CAMK1D: variants seen among roughly 807,000 people sequenced by gnomAD.
The protein encoded by CAMK1D is calcium/calmodulin-dependent protein kinase type 1D.
CAMK1D carries 9 observed loss-of-function variants against 47.7 expected under a neutral mutation model. That is an observed-to-expected ratio of 0.19 (90% CI 0.11 to 0.33). CAMK1D has a LOEUF of 0.33. CAMK1D is among the 10% of genes least tolerant of loss of function. The probability of loss-of-function intolerance (pLI) is 1.00; values close to 1 mark genes in which losing one functional copy is unlikely to be tolerated. For missense variants in CAMK1D, 291 were observed against 488.7 expected (o/e 0.60, Z 3.81); for synonymous variants, 184 against 184.9 (o/e 0.99, Z 0.04).
chr10:12,675,089 T>C (rs1840763693), intron 3 of CAMK1D, among the ~76,000 whole-genome samples: 1 of 150,142 alleles, frequency 6.7e-6, no homozygotes, highest in African/African-American at 2.5e-5. Context: ...GAAAGGACAC[T>C]GCCTCAACTC....
intron 2 of CAMK1D, among the ~76,000 whole-genome samples, chr10:12,639,457 C>T: frequency 6.6e-6 from 1 of 152,104 alleles, no homozygotes; most frequent in Non-Finnish European, 1.5e-5. Flanking sequence ...CGCACTCCAG[C>T]TTGGGCGACA....
At chr10:12,678,310 A>G (rs1331614554) in intron 3 of CAMK1D, among the ~76,000 whole-genome samples, 1 of 152,160 alleles carries the variant, frequency 6.6e-6, no homozygotes, top group African/African-American at 2.4e-5. Flanking sequence ...TTTTCCTTCT[A>G]CAGTTGATTT....
Position 12,482,340 on chromosome 10 carries a change from A to G in CAMK1D, c.93-70885A>G, listed in dbSNP as rs566372888. Among the ~76,000 whole-genome samples the G allele has an allele frequency of 3.9e-5, 6 of 152,250 alleles. No homozygotes were observed. The South Asian group carries it at 1.2e-3, about 32-fold the overall frequency. On this transcript the variant is annotated intron_variant, in intron 1 of 10. Transcript: ENST00000619168. ...AGGTCACCTTTGGAGCTGGGTGGAG[A>G]TGTAGGGCCACTTAGGGGACCTCCA... is the stretch of plus-strand genomic sequence containing the variant.
chr10:12,714,696 G>A (rs1834054186), intron 3 of CAMK1D, among the ~76,000 whole-genome samples: 2 of 151,398 alleles, frequency 1.3e-5, no homozygotes, highest in Non-Finnish European at 2.9e-5. Flanking sequence ...TCCAGCCTGG[G>A]CAACAGAGCA....
At chr10:12,460,742 AT>A (rs1158138947) in intron 1 of CAMK1D, among the ~76,000 whole-genome samples, 1 of 150,270 alleles carries the variant, frequency 6.7e-6, no homozygotes, top group Non-Finnish European at 1.5e-5. Context: ...TTTATTTTTA[AT>A]TTTTGTGGAG....
chr10:12,620,214 A>T (rs977136916), intron 2 of CAMK1D, among the ~76,000 whole-genome samples: 44 of 136,052 alleles, frequency 3.2e-4, no homozygotes, highest in Middle Eastern at 7.5e-3. Context: ...AAAAAAAAAA[A>T]AAAATAAAGC....
chr10:12,688,935 G>T (rs946950866), intron 3 of CAMK1D, among the ~76,000 whole-genome samples: 1 of 152,182 alleles, frequency 6.6e-6, no homozygotes, highest in Non-Finnish European at 1.5e-5. Context: ...CACCTGCCTC[G>T]GCCTCCCAAA....
intron 3 of CAMK1D, among the ~76,000 whole-genome samples, chr10:12,735,202 C>T (rs1168093512): frequency 3.9e-5 from 6 of 152,206 alleles, no homozygotes; most frequent in East Asian, 1.9e-4. Context: ...GTCGGCCGGG[C>T]GCGGTGGCTC....
At chr10:12,425,058 G>A (rs1206829131) in intron 1 of CAMK1D, among the ~76,000 whole-genome samples, 1 of 152,014 alleles carries the variant, frequency 6.6e-6, no homozygotes, top group Admixed American at 6.6e-5. Context: ...GTCACATTCT[G>A]CTCCAGCCAC....
chr10:12,431,743 A>G (rs1374167755), intron 1 of CAMK1D, among the ~76,000 whole-genome samples: 1 of 152,132 alleles, frequency 6.6e-6, no homozygotes, highest in Non-Finnish European at 1.5e-5. Flanking sequence ...CTTCTTTTCT[A>G]CTTCCCTGAA....
intron 3 of CAMK1D, among the ~76,000 whole-genome samples, chr10:12,708,279 C>G (rs542022871): frequency 5.3e-5 from 8 of 151,714 alleles, no homozygotes; most frequent in African/African-American, 1.9e-4. Context: ...TCTTAAAGTC[C>G]CAGTGGCGAC....
intron 1 of CAMK1D, among the ~76,000 whole-genome samples, chr10:12,395,484 C>T (rs1838910056): frequency 6.6e-6 from 1 of 152,028 alleles, no homozygotes; most frequent in African/African-American, 2.4e-5. Context: ...TGTTGTATGC[C>T]AGGAAACTTT....
chr10:12,808,128 C>G (rs1838820795), intron 6 of CAMK1D, among the ~76,000 whole-genome samples: 1 of 152,218 alleles, frequency 6.6e-6, no homozygotes, highest in South Asian at 2.1e-4. Flanking sequence ...CCACCTGTTT[C>G]TCCCGTAAAA....
intron 2 of CAMK1D, among the ~76,000 whole-genome samples, chr10:12,557,521 C>T (rs2492948): frequency 0.39 from 55,130 of 142,064 alleles, 10,739 homozygotes; most frequent in Middle Eastern, 0.57. Context: ...CACTGCACTC[C>T]AGCCTGGGCG....
chr10:12,756,758 C>T (rs1024707467), intron 3 of CAMK1D, among the ~76,000 whole-genome samples: 2 of 152,108 alleles, frequency 1.3e-5, no homozygotes, highest in African/African-American at 2.4e-5. Context: ...AACCCCGTCT[C>T]TACTAAAAAT....
chr10:12,459,785 C>T (rs746953761), intron 1 of CAMK1D, among the ~76,000 whole-genome samples: 4 of 152,158 alleles, frequency 2.6e-5, no homozygotes, highest in African/African-American at 9.7e-5. Context: ...AGATTTTTCT[C>T]TGTCTCTTTG....
rs542034134 is a variant in CAMK1D, at chr10:12,541,618, C to A, written c.93-11607C>A. ...TTGTGATTCACCCGCCTTGGCCCCC[C>A]AAAAGTGCTGGGATTACAGGCGTGA... On this transcript the variant is annotated intron_variant, in intron 1 of 10. Coordinates refer to ENST00000619168, the MANE Select transcript of CAMK1D (RefSeq NM_153498.4). Among the ~76,000 whole-genome samples the A allele has an allele frequency of 8.5e-5, 13 of 152,258 alleles. No individual in the cohort carries two copies. In the East Asian group the frequency reaches 1.4e-3, roughly 16 times the overall value.
intron 3 of CAMK1D, among the ~76,000 whole-genome samples, chr10:12,698,515 T>C (rs1833382778): frequency 1.3e-5 from 2 of 152,148 alleles, no homozygotes; most frequent in Admixed American, 1.3e-4. Flanking sequence ...ATATGAACTT[T>C]ATTTCTCAAA....
rs1833391770 is a variant in CAMK1D, at chr10:12,830,036, G to A, written c.*1149G>A. On this transcript the variant is annotated 3_prime_UTR_variant, in exon 11 of 11. Coordinates refer to ENST00000619168, the MANE Select transcript of CAMK1D (RefSeq NM_153498.4). ...GCTTCACAGGCCAGACTTGCTGTGA[G>A]TGAGATGCCCACACTGCAGAGATGC... The A allele has an allele frequency of 6.6e-6, 1 of 151,954 alleles. No individual in the cohort carries two copies. Among genetic ancestry groups the A allele is most frequent in the South Asian group, 2.1e-4 (1 of 4,798 alleles). The allele number at this position is 151,954 out of a possible 1,614,324, so 9.4% of individuals were successfully genotyped here.
Sources: gnomAD v4.1 joint callset for allele counts (sites outside exome capture counted in the v4.1 genomes callset) on GRCh38, gnomAD v4.1.1 for gene constraint, MANE v1.5 for transcripts, NCBI Gene and HGNC (gene_info 2026-07-23, HGNC 2026-07-21) for gene names.